CDC34: variants seen among roughly 807,000 people sequenced by gnomAD.
CDC34 encodes the protein ubiquitin-conjugating enzyme E2 R1.
CDC34 carries 18 observed loss-of-function variants against 26.8 expected under a neutral mutation model. The ratio of observed to expected loss-of-function variants is 0.67; its 90% CI spans 0.47 to 1.00. The LOEUF is 1.00. CDC34 is among the 50% of genes least tolerant of loss of function. The pLI is 0.00. For missense variants in CDC34, 280 were observed against 334.5 expected (o/e 0.84, Z 1.27); for synonymous variants, 178 against 147.5 (o/e 1.21, Z -1.50).
Position 538,671 on chromosome 19 carries a change from GC to G in CDC34, c.497+1528del, listed in dbSNP as rs1488055090. The G allele has an allele frequency of 4.1e-6, 4 of 980,284 alleles. No homozygotes were observed. The African/African-American group carries it at 7.0e-5, about 17-fold the overall frequency. 60.7% of individuals were successfully genotyped at this position (980,284 alleles called of 1,614,324 possible). ...CACACATAATGCATGTGTCTTCCTC[GC>G]CCCAGGACCCAGGAGCATCCAGGGC... is the stretch of plus-strand genomic sequence containing the variant. On this transcript the variant is annotated intron_variant, in intron 4 of 4. Transcript: ENST00000215574.
chr19:537,034 C>A lies in CDC34; in HGVS notation c.384C>A (p.Ile128=), dbSNP rs11557525. The change falls in exon 4 of 5, where the codon ATC becomes ATA. Residue 128 remains isoleucine (I), a synonymous_variant. Coordinates refer to ENST00000215574, the MANE Select transcript of CDC34 (RefSeq NM_004359.2). ...ACAGGACCATTCTCCTGAGTGTGAT[C>A]TCCCTCCTGAACGAGCCCAACACCT... is the stretch of plus-strand genomic sequence containing the variant. ...QNVRTILLSV[I]SLLNEPNTFS... The A allele has an allele frequency of 4.2e-4, 685 of 1,613,692 alleles. No individual in the cohort carries two copies. The highest frequency in any genetic ancestry group is 5.6e-4 in the Non-Finnish European group (657 of 1,180,000).
intron 4 of CDC34, among the ~76,000 whole-genome samples, chr19:539,487 C>T (rs1006141060): frequency 1.3e-5 from 2 of 152,216 alleles, no homozygotes; most frequent in East Asian, 1.9e-4. Context: ...TCCGCTGGGT[C>T]CCGCCACCCA....
At chr19:537,904 G>A (rs993604454) in intron 4 of CDC34, among the ~76,000 whole-genome samples, 3 of 152,072 alleles carry the variant, frequency 2.0e-5, no homozygotes, top group Non-Finnish European at 2.9e-5. Context: ...TGATCCACCC[G>A]CCTCGGCCTC....
At chr19:532,624 C>T (rs1426183813) in intron 1 of CDC34, among the ~76,000 whole-genome samples, 1 of 152,232 alleles carries the variant, frequency 6.6e-6, no homozygotes, top group Non-Finnish European at 1.5e-5. Flanking sequence ...AGCGGGGGAG[C>T]GAGGCCAGCC....
At chr19:534,460 G>GT (rs1568329495) in intron 1 of CDC34, among the ~76,000 whole-genome samples, 3,791 of 44,596 alleles carry the variant, frequency 0.085, 83 homozygotes, top group Middle Eastern at 0.13. Context: ...AAGACCCCCT[G>GT]AGTGCCCTCC....
At chr19:533,772 T>G (rs1979603921) in intron 1 of CDC34, among the ~76,000 whole-genome samples, 1 of 152,220 alleles carries the variant, frequency 6.6e-6, no homozygotes, top group South Asian at 2.1e-4. Flanking sequence ...TCTAGACATC[T>G]GCCACAGGGT....
chr19:536,137 G>A (rs1318459082), intron 2 of CDC34, 106 bp from the exon 3 acceptor site: 2 of 972,306 alleles, frequency 2.1e-6, no homozygotes, highest in South Asian at 3.1e-5. Flanking sequence ...CCGGGGCGCT[G>A]GGAGCCTCAC....
At chr19:534,094 C>T (rs181247487) in intron 1 of CDC34, among the ~76,000 whole-genome samples, 2 of 152,310 alleles carry the variant, frequency 1.3e-5, no homozygotes, top group East Asian at 1.9e-4. Flanking sequence ...ATAAGAGGCT[C>T]ATTGGGACTT....
chr19:534,460 G>GTATGCCCTCCCTGTCC (rs1568329495), intron 1 of CDC34, among the ~76,000 whole-genome samples: 3 of 45,246 alleles, frequency 6.6e-5, no homozygotes, highest in African/African-American at 1.3e-4. Context: ...AAGACCCCCT[G>GTATGCCCTCCCTGTCC]AGTGCCCTCC....
At chr19:538,268 G>A (rs1323086927) in intron 4 of CDC34, among the ~76,000 whole-genome samples, 1 of 152,232 alleles carries the variant, frequency 6.6e-6, no homozygotes, top group African/African-American at 2.4e-5. Flanking sequence ...GTGAGCTCTG[G>A]GTACAGCTGT....
At chr19:532,658 C>T (rs1979550661) in intron 1 of CDC34, among the ~76,000 whole-genome samples, 1 of 152,236 alleles carries the variant, frequency 6.6e-6, no homozygotes, top group Non-Finnish European at 1.5e-5. Context: ...CGCGGCCACT[C>T]GCTCAGTCTC....
intron 1 of CDC34, 35 bp from the exon 2 acceptor site, chr19:535,802 G>A: frequency 6.4e-7 from 1 of 1,555,168 alleles, no homozygotes; most frequent in Non-Finnish European, 8.9e-7. Context: ...CTTGGGGCTG[G>A]GCTGGACTGA....
chr19:536,628 T>C, intron 3 of CDC34: 1 of 549,070 alleles, frequency 1.8e-6, no homozygotes, highest in South Asian at 2.2e-5. Context: ...TCCTGGGGCC[T>C]TCTCCTTACC....
At chr19:532,164 G>A in intron 1 of CDC34, 56 bp downstream of exon 1, 1 of 1,369,394 alleles carries the variant, frequency 7.3e-7, no homozygotes, top group Admixed American at 3.6e-5. Context: ...CTCGGGCGCC[G>A]GGAACCAGCT....
In CDC34 at chr19:541,431, C is replaced by T. The variant is rs779289790; in HGVS notation, c.590C>T (p.Pro197Leu). Reference sequence around the variant, plus strand: ...GAGTACTGCGTGAAGACCAAGGCGCCGGCGCCCGACGAGGGCTCAGACCTC... The same window carrying T: ...GAGTACTGCGTGAAGACCAAGGCGCTGGCGCCCGACGAGGGCTCAGACCTC... The part of the protein sequence containing the change: ...LAEYCVKTKA[P>L]APDEGSDLFY... The change falls in exon 5 of 5, where the codon CCG (proline) becomes CTG (leucine). Residue 197 changes from proline to leucine, a missense_variant. Coordinates refer to ENST00000215574, the MANE Select transcript of CDC34 (RefSeq NM_004359.2). 3.2e-5 allele frequency: 52 copies of T among 1,612,432 alleles called. No individual in the cohort carries two copies. The highest frequency in any genetic ancestry group is 4.0e-5 in the African/African-American group (3 of 74,920).
In CDC34 at chr19:532,036, G is replaced by T; in HGVS notation, c.105G>T (p.Glu35Asp). 3 of 1,521,814 alleles carry T rather than the reference G, an allele frequency of 2.0e-6. No individual in the cohort carries two copies. The highest frequency in any genetic ancestry group is 2.7e-5 in the East Asian group (1 of 36,408). The allele number at this position is 1,521,814 out of a possible 1,614,324, so 94.3% of individuals were successfully genotyped here. Reference sequence around the variant, plus strand: ...GATTCCGCGTGACACTGGTGGACGAGGGCGATCTATACAACTGGGAGGTGG... The same window carrying T: ...GATTCCGCGTGACACTGGTGGACGATGGCGATCTATACAACTGGGAGGTGG... The part of the protein sequence containing the change: ...VEGFRVTLVD[E>D]GDLYNWEVAI... The change falls in exon 1 of 5, where the codon GAG becomes GAT. Residue 35 changes from glutamate to aspartate, a missense_variant. Physicochemically the swap from Glu to Asp is conservative, Grantham distance 45. Transcript: ENST00000215574.
rs1257927521 is a variant in CDC34, at chr19:531,795, G to A, written c.-137G>A. ...GAGCGCTCGGGGTCCCCGGGCGGCG[G>A]CGGCGGCGCAGAGGAGGAGGCAGGC... On this transcript the variant is annotated 5_prime_UTR_variant, in exon 1 of 5. Coordinates refer to ENST00000215574, the MANE Select transcript of CDC34 (RefSeq NM_004359.2). 1.1e-5 allele frequency: 3 copies of A among 274,946 alleles called. No homozygotes were observed. The South Asian group carries it at 3.8e-4, about 35-fold the overall frequency. 17.0% of individuals were successfully genotyped at this position (274,946 alleles called of 1,614,324 possible). A position where few individuals can be genotyped will look rare whatever the true frequency, so the allele number is the denominator to read the frequency against.
At position 541,367 on chromosome 19, in the gene CDC34, G is replaced by A. The variant is rs757696666; in HGVS notation, c.526G>A (p.Ala176Thr). 2.5e-6 allele frequency: 4 copies of A among 1,600,756 alleles called. No individual in the cohort carries two copies. The highest frequency in any genetic ancestry group is 3.4e-6 in the Non-Finnish European group (4 of 1,175,756). Residue 176 changes from alanine (A) to threonine (T), a missense_variant, in exon 5 of 5, where the codon GCG becomes ACG. Transcript: ENST00000215574. ...RKQVLGTKVDAERDGVKVPTT... is the reference protein window; with the variant it reads ...RKQVLGTKVDTERDGVKVPTT... ...GCAGGTCCTGGGGACCAAGGTGGAC[G>A]CGGAGCGTGACGGCGTGAAGGTGCC...
chr19:532,305 C>T (rs1283084168), intron 1 of CDC34, among the ~76,000 whole-genome samples, 197 bp downstream of exon 1: 4 of 152,242 alleles, frequency 2.6e-5, no homozygotes, highest in Non-Finnish European at 5.9e-5. Flanking sequence ...TCTCGGGGAC[C>T]TTCAGCCTCT....
Sources: allele counts gnomAD v4.1 joint callset (sites outside exome capture counted in the v4.1 genomes callset), GRCh38; gene constraint gnomAD v4.1.1; transcripts MANE v1.5; gene names NCBI Gene and HGNC (gene_info 2026-07-23, HGNC 2026-07-21).